PHF8: variants seen among roughly 807,000 people sequenced by gnomAD.
PHF8 encodes the protein histone lysine demethylase PHF8.
A neutral mutation model predicts 74.4 loss-of-function variants in PHF8; 9 were observed. The observed-to-expected ratio is 0.12, with a 90% confidence interval of 0.07 to 0.21. The LOEUF (loss-of-function observed/expected upper bound fraction) is 0.21. PHF8 is among the 10% of genes least tolerant of loss of function. The pLI is 1.00. For synonymous variants in PHF8, 311 were observed against 316.6 expected (o/e 0.98, Z 0.19); for missense variants, 478 against 816.6 (o/e 0.59, Z 5.05).
intron 19 of PHF8, among the ~76,000 whole-genome samples, chrX:53,948,010 C>A (rs2064856629): frequency 8.9e-6 from 1 of 111,969 alleles, no homozygotes; most frequent in African/African-American, 3.2e-5. Context: ...AGACTTCATG[C>A]AGTAGAGACA....
rs1405281149 is a variant in PHF8 at position 53,940,197 on chromosome X, C to T, written c.2969G>A (p.Ser990Asn). ...CGTTGTACCTTGTCCTGCCTGATTGCTCTGGGAGCCAACTGAAGGGCGCCG... is the reference window on the plus strand; with the variant it reads ...CGTTGTACCTTGTCCTGCCTGATTGTTCTGGGAGCCAACTGAAGGGCGCCG... ...TQRRPSVGSQ[S>N]NQAGQGKRPK... Residue 990 changes from serine to asparagine, a missense_variant, in exon 21 of 22, where the codon AGC becomes AAC. Ser to Asn is a conservative substitution (Grantham distance 46). Transcript: ENST00000338154. The T allele has an allele frequency of 3.4e-6, 4 of 1,180,387 alleles. No individual in the cohort carries two copies. Among genetic ancestry groups the T allele is most frequent in the East Asian group, 6.2e-5 (2 of 32,162 alleles).
At chrX:53,973,630 T>C (rs1392782157) in intron 18 of PHF8, among the ~76,000 whole-genome samples, 1 of 111,544 alleles carries the variant, frequency 9.0e-6, no homozygotes, top group African/African-American at 3.3e-5. Flanking sequence ...TTATACCATA[T>C]ACAAGAATTA....
intron 2 of PHF8, among the ~76,000 whole-genome samples, chrX:54,031,857 C>T (rs190736850): frequency 8.9e-6 from 1 of 111,922 alleles, no homozygotes; most frequent in African/African-American, 3.2e-5. Flanking sequence ...ACCTGGTAAG[C>T]TTGTTAAAAT....
chrX:53,988,399 T>C (rs2065600384), intron 14 of PHF8, among the ~76,000 whole-genome samples: 1 of 111,382 alleles, frequency 9.0e-6, no homozygotes. Context: ...TCACATCATA[T>C]ACAAAAATTA....
chrX:54,010,732 C>CTA (rs782356097), intron 8 of PHF8, among the ~76,000 whole-genome samples: 188 of 111,174 alleles, frequency 1.7e-3, no homozygotes, highest in African/African-American at 6.0e-3. Flanking sequence ...ATTCATAATT[C>CTA]TAAGAGTGAA....
intron 10 of PHF8, among the ~76,000 whole-genome samples, chrX:54,001,743 T>A (rs1489755698): frequency 9.0e-6 from 1 of 110,881 alleles, no homozygotes; most frequent in Non-Finnish European, 1.9e-5. Flanking sequence ...AACAAGACCC[T>A]GTTCATACAA....
rs781908525 is a variant in PHF8, at chrX:53,981,857, C to T, written c.2443+3057G>A. Among the ~76,000 whole-genome samples the T allele has an allele frequency of 3.8e-3, 421 of 111,832 alleles. 2 individuals carry two copies. Among genetic ancestry groups the T allele is most frequent in the African/African-American group, 0.013 (388 of 30,817 alleles). ...GGACATGAGGTTATATTCAGGAATG[C>T]GCAAATCCCAGTATAGCCGAAATGC... On this transcript the variant is annotated intron_variant, in intron 18 of 21. Coordinates refer to ENST00000338154, the MANE Select transcript of PHF8 (RefSeq NM_015107.3).
Position 53,965,976 on chromosome X carries a change from G to C in PHF8, c.2444-3037C>G, listed in dbSNP as rs1433011319. Among the ~76,000 whole-genome samples the C allele has an allele frequency of 2.7e-5, 3 of 110,505 alleles. No individual in the cohort carries two copies. In the East Asian group the frequency reaches 8.5e-4, roughly 31 times the overall value. On this transcript the variant is annotated intron_variant, in intron 18 of 21. Transcript: ENST00000338154. Reference sequence around the variant, plus strand: ...TCTGACATTGTATTTACCATACAAAGACTAAATCAACTAGGCTGAAAGAGC... The same window carrying C: ...TCTGACATTGTATTTACCATACAAACACTAAATCAACTAGGCTGAAAGAGC...
At chrX:54,048,876 C>T (rs782303231), upstream of PHF8, 9 of 112,421 alleles carry the variant, frequency 8.0e-5, no homozygotes, top group South Asian at 3.7e-4. Flanking sequence ...GAACTTTCCC[C>T]GTGACAGGGC....
chrX:53,960,220 C>G (rs934273291), intron 19 of PHF8, among the ~76,000 whole-genome samples: 11 of 107,428 alleles, frequency 1.0e-4, no homozygotes, highest in African/African-American at 3.7e-4. Context: ...GGACTACAGG[C>G]GCCTGCCACC....
chrX:54,040,036 ATTCTTT>A (rs1441968601), intron 2 of PHF8: 27 of 112,566 alleles, frequency 2.4e-4, no homozygotes, highest in African/African-American at 8.4e-4. Context: ...TTCCTTCTTT[ATTCTTT>A]TTCTGTGTTT....
In PHF8 at chrX:54,017,600, G is replaced by A. The variant is rs969669857; in HGVS notation, c.454+61C>T. On this transcript the variant is annotated intron_variant, in intron 5 of 21. Coordinates refer to ENST00000338154, the MANE Select transcript of PHF8 (RefSeq NM_015107.3). ...AATGCAAAAACAGATTGGAGGGGAA[G>A]GGACACAGATCTTGACAGGAATGAA... The A allele has an allele frequency of 3.8e-5, 38 of 1,007,294 alleles. No individual in the cohort carries two copies. The African/African-American group carries it at 6.0e-4, about 16-fold the overall frequency. The allele number at this position is 1,007,294 out of a possible 1,213,427, so 83.0% of individuals were successfully genotyped here. A position where few individuals can be genotyped will look rare whatever the true frequency, so the allele number is the denominator to read the frequency against.
chrX:54,017,371 CAGG>C (rs1557108488), intron 5 of PHF8, among the ~76,000 whole-genome samples: 1 of 112,126 alleles, frequency 8.9e-6, no homozygotes, highest in Non-Finnish European at 1.9e-5. Context: ...CCCTGGAGCC[CAGG>C]AGGAGGTGGA....
At chrX:53,995,090 C>A (rs1236829852) in intron 12 of PHF8, 1 of 326,475 alleles carries the variant, frequency 3.1e-6, no homozygotes, top group Non-Finnish European at 6.1e-6. Context: ...TTGCAAGTGA[C>A]AGAGCAGGAA....
chrX:53,968,480 GA>G (rs1557093695), intron 18 of PHF8, among the ~76,000 whole-genome samples: 1 of 112,253 alleles, frequency 8.9e-6, no homozygotes, highest in Non-Finnish European at 1.9e-5. Context: ...ATTCACTGCT[GA>G]ATTCTACCAA....
intron 18 of PHF8, among the ~76,000 whole-genome samples, chrX:53,983,533 G>C (rs782529022): frequency 2.7e-5 from 3 of 111,702 alleles, no homozygotes; most frequent in Non-Finnish European, 3.8e-5. Context: ...GGGTAAACAG[G>C]TATGTTTCAT....
Position 54,030,324 on chromosome X carries a change from T to C in PHF8, c.99-7481A>G, listed in dbSNP as rs1446536119. Among the ~76,000 whole-genome samples, 3 of 111,733 alleles carry C rather than the reference T, an allele frequency of 2.7e-5. No homozygotes were observed. In the East Asian group the frequency reaches 8.4e-4, roughly 31 times the overall value. ...CTTCTGGCTGCACTGTCTCGATAGT[T>C]ACCACCTGGGACCAAGGGTGGTAAA... On this transcript the variant is annotated intron_variant, in intron 2 of 21. Transcript: ENST00000338154.
At chrX:54,019,452 CCT>C (rs1338014598) in intron 4 of PHF8, among the ~76,000 whole-genome samples, 1 of 107,330 alleles carries the variant, frequency 9.3e-6, no homozygotes, top group Non-Finnish European at 1.9e-5. Flanking sequence ...CAAATGAGAC[CCT>C]GTCTCAAAAA....
intron 1 of PHF8, 96 bp from the exon 2 acceptor site, chrX:54,042,916 G>T: frequency 1.4e-6 from 1 of 697,920 alleles, no homozygotes; most frequent in Non-Finnish European, 2.1e-6. Flanking sequence ...ACCGCCGCCG[G>T]GATGCAACAC....
Sources: gnomAD v4.1 joint callset for allele counts (sites outside exome capture counted in the v4.1 genomes callset) on GRCh38, gnomAD v4.1.1 for gene constraint, MANE v1.5 for transcripts, NCBI Gene and HGNC (gene_info 2026-07-23, HGNC 2026-07-21) for gene names.